The following KLF12 variants were observed in gnomAD, a reference collection of about 807,000 sequenced individuals.
KLF12 encodes the protein Krueppel-like factor 12.
A neutral mutation model predicts 37.8 loss-of-function variants in KLF12; 9 were observed. That is an observed-to-expected ratio of 0.24 (90% CI 0.14 to 0.42). KLF12 has a LOEUF of 0.42. KLF12 is among the 10% of genes least tolerant of loss of function. KLF12 has a pLI of 1.00. For synonymous variants in KLF12, 208 were observed against 202.1 expected (o/e 1.03, Z -0.25); for missense variants, 411 against 516.0 (o/e 0.80, Z 1.97).
chr13:73,804,144 C>T (rs369911162), intron 5 of KLF12, among the ~76,000 whole-genome samples: 1 of 152,164 alleles, frequency 6.6e-6, no homozygotes, highest in South Asian at 2.1e-4. Context: ...ACCTTATACA[C>T]TCTTCCACAT....
intron 1 of KLF12, among the ~76,000 whole-genome samples, chr13:74,092,914 T>C (rs1333147312): frequency 6.6e-6 from 1 of 152,174 alleles, no homozygotes; most frequent in Admixed American, 6.5e-5. Context: ...CCTCGCTCAC[T>C]CTCCTGAAAG....
chr13:73,730,934 T>G (rs567822745), intron 6 of KLF12, among the ~76,000 whole-genome samples: 92 of 152,222 alleles, frequency 6.0e-4, no homozygotes, highest in African/African-American at 2.2e-3. Context: ...TTTGTTTTGT[T>G]CTGTTTCGTT....
intron 3 of KLF12, among the ~76,000 whole-genome samples, chr13:73,925,576 A>G (rs548949448): frequency 1.3e-3 from 193 of 152,342 alleles, no homozygotes; most frequent in African/African-American, 4.1e-3. Context: ...TATTATTTTC[A>G]TATTTGCTAA....
At chr13:74,298,018 C>T in the KLF12 span, among the ~76,000 whole-genome samples, 5 of 152,158 alleles carry the variant, frequency 3.3e-5, no homozygotes, top group South Asian at 2.1e-4. Flanking sequence ...TGAATCGTTC[C>T]GACTGGAAAT....
rs777942888 is a variant in KLF12, at chr13:73,846,141, G to A, written c.356C>T (p.Ser119Phe). ...TGGGGATGAGGCTAGACGACTAGAA[G>A]ACGATGAAGAGGTTGAAGTTGAAGA... Residue 119 changes from serine to phenylalanine, a missense_variant, in exon 4 of 8, where the codon TCT becomes TTT. Transcript: ENST00000377669. The A allele has an allele frequency of 5.7e-5, 92 of 1,614,014 alleles. No individual in the cohort carries two copies. Among genetic ancestry groups the A allele is most frequent in the Non-Finnish European group, 7.4e-5 (87 of 1,180,016 alleles).
chr13:73,904,469 CTTTTTTTTTTTTTTT>C (rs11342071), intron 3 of KLF12, among the ~76,000 whole-genome samples: 2 of 91,996 alleles, frequency 2.2e-5, no homozygotes, highest in East Asian at 3.4e-4. Flanking sequence ...TCTTTCTTTC[CTTTTTTTTTTTTTTT>C]TTTTTTTTAC....
the KLF12 span, among the ~76,000 whole-genome samples, chr13:74,303,008 AGGCCAAGCC>A: frequency 6.6e-6 from 1 of 152,172 alleles, no homozygotes; most frequent in Admixed American, 6.5e-5. Flanking sequence ...CTATTTGTAA[AGGCCAAGCC>A]AGGACACTTT....
At chr13:73,807,151 T>C (rs955678111) in intron 5 of KLF12, among the ~76,000 whole-genome samples, 17 of 151,978 alleles carry the variant, frequency 1.1e-4, no homozygotes, top group African/African-American at 4.1e-4. Flanking sequence ...CTACTAAAAA[T>C]ACAAAAATTA....
chr13:74,002,734 T>G (rs1349455622), intron 1 of KLF12, among the ~76,000 whole-genome samples: 1 of 152,120 alleles, frequency 6.6e-6, no homozygotes, highest in Non-Finnish European at 1.5e-5. Context: ...TTGAAGAAGG[T>G]CAACTCAACC....
chr13:73,887,774 C>A (rs1887302602), intron 3 of KLF12, among the ~76,000 whole-genome samples: 1 of 152,030 alleles, frequency 6.6e-6, no homozygotes, highest in Non-Finnish European at 1.5e-5. Flanking sequence ...ACTTTAAAAT[C>A]TTTGTAAATT....
chr13:74,147,312 C>T, the KLF12 span, among the ~76,000 whole-genome samples: 1 of 152,200 alleles, frequency 6.6e-6, no homozygotes, highest in Non-Finnish European at 1.5e-5. Flanking sequence ...TTGGGGAACA[C>T]TGTTCTGTAG....
chr13:73,711,863 C>G lies in KLF12; in HGVS notation c.1027+3505G>C, dbSNP rs77172573. 4.5e-3 allele frequency among the ~76,000 whole-genome samples: 680 copies of G among 152,100 alleles called. 38 individuals carry two copies. In the East Asian group the frequency reaches 0.12, roughly 26 times the overall value. ...ATCCAGGCAAATTAAATTTAAAAAC[C>G]CCTGGAGAGGATTCACCATTCTAGA... is the stretch of plus-strand genomic sequence containing the variant. On this transcript the variant is annotated intron_variant, in intron 7 of 7. Transcript: ENST00000377669.
At chr13:73,807,219 G>T (rs1199173495) in intron 5 of KLF12, among the ~76,000 whole-genome samples, 4 of 151,734 alleles carry the variant, frequency 2.6e-5, no homozygotes, top group Admixed American at 6.6e-5. Flanking sequence ...TGAGGCAGGA[G>T]AATCGCTTGA....
chr13:73,697,390 T>C (rs1874225484), intron 7 of KLF12, among the ~76,000 whole-genome samples: 1 of 152,188 alleles, frequency 6.6e-6, no homozygotes, highest in East Asian at 1.9e-4. Flanking sequence ...AGAAAAAGCC[T>C]ACTGCCTGGA....
chr13:73,970,142 G>C (rs915500933), intron 2 of KLF12, among the ~76,000 whole-genome samples: 5 of 152,128 alleles, frequency 3.3e-5, no homozygotes, highest in Admixed American at 2.6e-4. Flanking sequence ...TTTATTTCCA[G>C]TGTGGCAGAG....
chr13:74,059,500 G>A (rs1003281701), intron 1 of KLF12, among the ~76,000 whole-genome samples: 6 of 152,162 alleles, frequency 3.9e-5, no homozygotes, highest in Admixed American at 2.6e-4. Context: ...TGTGTAAGAT[G>A]ATATCTCATT....
At chr13:74,151,200 G>A in the KLF12 span, among the ~76,000 whole-genome samples, 5 of 152,170 alleles carry the variant, frequency 3.3e-5, no homozygotes, top group African/African-American at 7.2e-5. Context: ...AAGAGTAATA[G>A]TTTTGAATGC....
intron 4 of KLF12, among the ~76,000 whole-genome samples, chr13:73,814,364 T>C (rs375364324): frequency 1.3e-5 from 2 of 152,214 alleles, no homozygotes; most frequent in East Asian, 3.9e-4. Context: ...CTGTGTATCA[T>C]ACATTACACC....
intron 5 of KLF12, among the ~76,000 whole-genome samples, chr13:73,797,589 GC>G (rs1882051095): frequency 1.3e-5 from 2 of 151,974 alleles, no homozygotes; most frequent in African/African-American, 4.8e-5. Flanking sequence ...GGACAACACA[GC>G]AAAACCCCAT....
Sources: gnomAD v4.1 joint callset for allele counts (sites outside exome capture counted in the v4.1 genomes callset) on GRCh38, gnomAD v4.1.1 for gene constraint, MANE v1.5 for transcripts, NCBI Gene and HGNC (gene_info 2026-07-23, HGNC 2026-07-21) for gene names.